Variants in SORCS2 observed in about 807,000 individuals in gnomAD.
SORCS2 encodes sortilin related VPS10 domain containing receptor 2.
Under a neutral mutation model 141.6 loss-of-function variants are expected in SORCS2, and 100 were observed. That is an observed-to-expected ratio of 0.71 (90% confidence interval 0.60 to 0.83). The LOEUF (loss-of-function observed/expected upper bound fraction) is 0.83, where lower values mean the gene tolerates loss of function less well. SORCS2 is among the 40% of genes least tolerant of loss of function. The probability of loss-of-function intolerance (pLI) is 0.00; values close to 1 mark genes in which losing one functional copy is unlikely to be tolerated. For missense variants in SORCS2, 1,646 were observed against 1,560.2 expected, an observed-to-expected ratio of 1.05 and a Z score of -0.93; for synonymous variants, 789 against 676.9, an observed-to-expected ratio of 1.17 and a Z score of -2.57.
chr4:7,630,171 C>T (rs1719792251), intron 3 of SORCS2, among the ~76,000 whole-genome samples: 1 of 152,100 alleles, frequency 6.6e-6, no homozygotes, highest in East Asian at 1.9e-4. Context: ...GTGTGGTGGG[C>T]CTCTGGGACC....
intron 9 of SORCS2, among the ~76,000 whole-genome samples, chr4:7,677,599 C>T (rs963372082): frequency 2.0e-4 from 30 of 152,278 alleles, no homozygotes; most frequent in African/African-American, 5.8e-4. Context: ...GAGAGTGTCC[C>T]GTGGGTGGCC....
chr4:7,534,414 A>C (rs890225128), intron 3 of SORCS2, among the ~76,000 whole-genome samples: 5 of 152,214 alleles, frequency 3.3e-5, no homozygotes, highest in Non-Finnish European at 5.9e-5. Context: ...TGCCTGGCAG[A>C]GCCTCACTCA....
chr4:7,284,320 C>A (rs567412096), intron 1 of SORCS2, among the ~76,000 whole-genome samples: 26 of 151,836 alleles, frequency 1.7e-4, no homozygotes, highest in Admixed American at 1.2e-3. Flanking sequence ...GTGTTCGGGT[C>A]CTGGCTTCCC....
intron 1 of SORCS2, among the ~76,000 whole-genome samples, chr4:7,361,203 T>A (rs2109023633): frequency 6.6e-6 from 1 of 152,348 alleles, no homozygotes; most frequent in East Asian, 1.9e-4. Context: ...TGCCTAATTG[T>A]GCCACATAGA....
Position 7,264,717 on chromosome 4 carries a change from A to G in SORCS2, c.480+71591A>G, listed in dbSNP as rs1469387591. Among the ~76,000 whole-genome samples the G allele has an allele frequency of 4.6e-5, 7 of 152,122 alleles. No individual in the cohort carries two copies. The South Asian group carries it at 6.3e-4, about 14-fold the overall frequency. On this transcript the variant is annotated intron_variant, in intron 1 of 26. Transcript: ENST00000507866. ...GGAGCAGGCAGGGGCTGGCCTCCCT[A>G]TGGAAAGCCCCTCACCATGCCTGGG...
intron 1 of SORCS2, among the ~76,000 whole-genome samples, chr4:7,220,041 C>A (rs1728612051): frequency 6.6e-6 from 1 of 152,214 alleles, no homozygotes; most frequent in Non-Finnish European, 1.5e-5. Context: ...AGAGTACATA[C>A]AGTTTAGAAC....
At chr4:7,723,556 T>C in intron 18 of SORCS2, 141 bp from the exon 19 acceptor site, 1 of 916,264 alleles carries the variant, frequency 1.1e-6, no homozygotes. Context: ...CGGTCTCCTG[T>C]GGGTCCCCAG....
rs149267295 is a variant in SORCS2 at position 7,581,462 on chromosome 4, C to T, written c.648+49833C>T. 8.4e-3 allele frequency among the ~76,000 whole-genome samples: 1,278 copies of T among 152,040 alleles called. 9 individuals are homozygous for T. The highest frequency in any genetic ancestry group is 0.014 in the Non-Finnish European group (928 of 68,008). On this transcript the variant is annotated intron_variant, in intron 3 of 26. Transcript: ENST00000507866. The stretch of plus-strand genomic sequence containing the variant: ...AGTCCATGGCCTTTTGATCACAGAC[C>T]ACAGTAGACCCCATCCCAGACAAAA...
chr4:7,635,316 C>G (rs1185896465), intron 3 of SORCS2, among the ~76,000 whole-genome samples: 2 of 152,126 alleles, frequency 1.3e-5, no homozygotes, highest in African/African-American at 2.4e-5. Flanking sequence ...CCTCCCTGTG[C>G]CTCACTGTCT....
chr4:7,440,703 A>C (rs1027029179), intron 2 of SORCS2, among the ~76,000 whole-genome samples: 42 of 152,208 alleles, frequency 2.8e-4, no homozygotes, highest in African/African-American at 9.9e-4. Flanking sequence ...GCCCACCCTC[A>C]TGCTGCCTCT....
At chr4:7,548,151 C>A (rs558717606) in intron 3 of SORCS2, among the ~76,000 whole-genome samples, 1 of 152,282 alleles carries the variant, frequency 6.6e-6, no homozygotes, top group South Asian at 2.1e-4. Flanking sequence ...AGAGGAAGGC[C>A]TTTGAGGGCT....
At chr4:7,638,716 A>AGGT (rs1720436240) in intron 4 of SORCS2, among the ~76,000 whole-genome samples, 1 of 152,052 alleles carries the variant, frequency 6.6e-6, no homozygotes. Context: ...GAGCTGAGCG[A>AGGT]GGTGGTGGTG....
rs1053019305 is a variant in SORCS2 at position 7,740,883 on chromosome 4, G to A, written c.*619G>A. 2.5e-5 allele frequency: 10 copies of A among 396,838 alleles called. No individual in the cohort carries two copies. Among genetic ancestry groups the A allele is most frequent in the Admixed American group, 4.4e-5 (1 of 22,834 alleles). 24.6% of individuals were successfully genotyped at this position (396,838 alleles called of 1,614,324 possible). ...TGTCTCACTCTCTGTCTTTATAGCC[G>A]GCGGTAGCCACCGGGGTGGCTCTGT... is the stretch of plus-strand genomic sequence containing the variant. On this transcript the variant is annotated 3_prime_UTR_variant, in exon 27 of 27. Transcript: ENST00000507866.
chr4:7,308,351 C>T (rs1451606512), intron 1 of SORCS2, among the ~76,000 whole-genome samples: 1 of 152,170 alleles, frequency 6.6e-6, no homozygotes, highest in African/African-American at 2.4e-5. Flanking sequence ...CTTTGTTGAG[C>T]AGCTTCTCCT....
In SORCS2 at chr4:7,396,173, G is replaced by A. The variant is rs1035493403; in HGVS notation, c.481-115G>A. On this transcript the variant is annotated intron_variant, in intron 1 of 26. Coordinates refer to ENST00000507866, the MANE Select transcript of SORCS2 (RefSeq NM_020777.3). ...GGGATACTGACTAAGAGAGGCCCCT[G>A]GGCGGCTGTTATTTAGAGACCCCAA... is the stretch of plus-strand genomic sequence containing the variant. The A allele has an allele frequency of 1.5e-5, 13 of 875,278 alleles. No homozygotes were observed. In the Admixed American group the frequency reaches 2.8e-4, roughly 19 times the overall value. The allele number at this position is 875,278 out of a possible 1,614,324, so 54.2% of individuals were successfully genotyped here.
chr4:7,674,611 C>G (rs1722998445), intron 8 of SORCS2, among the ~76,000 whole-genome samples: 1 of 147,794 alleles, frequency 6.8e-6, no homozygotes, highest in Non-Finnish European at 1.5e-5. Flanking sequence ...AAAAAGCAAC[C>G]CTCTCCTTTT....
intron 2 of SORCS2, chr4:7,431,962 C>G (rs56879054): frequency 1.3e-5 from 2 of 152,286 alleles, no homozygotes; most frequent in African/African-American, 4.8e-5. Flanking sequence ...CCCCGGGACT[C>G]ATGTGTGCGG....
rs748593550 is a variant in SORCS2, at chr4:7,729,694, G to T, written c.3090G>T (p.Arg1030Ser). 1.2e-6 allele frequency: 2 copies of T among 1,610,924 alleles called. No individual in the cohort carries two copies. Among genetic ancestry groups the T allele is most frequent in the South Asian group, 1.1e-5 (1 of 90,090 alleles). ...LLPPPRPTRK[R>S]SLSSDKRLAA... ...CCCCTCCCAGGCCCACAAGGAAGAG[G>T]AGCCTCTCGAGTGATAAGGTATGTC... Residue 1030 changes from arginine to serine, a missense_variant, in exon 23 of 27, where the codon AGG becomes AGT. Coordinates refer to ENST00000507866, the MANE Select transcript of SORCS2 (RefSeq NM_020777.3).
At chr4:7,335,773 G>T (rs183619037) in intron 1 of SORCS2, among the ~76,000 whole-genome samples, 1 of 152,340 alleles carries the variant, frequency 6.6e-6, no homozygotes, top group Non-Finnish European at 1.5e-5. Flanking sequence ...GCTCCCGGCT[G>T]GGGGGTGTGG....
Sources: allele counts gnomAD v4.1 joint callset (sites outside exome capture counted in the v4.1 genomes callset), GRCh38; gene constraint gnomAD v4.1.1; transcripts MANE v1.5; gene names NCBI Gene and HGNC (gene_info 2026-07-23, HGNC 2026-07-21).